Variants in ETV6 observed in about 807,000 individuals in gnomAD.
The protein encoded by ETV6 is transcription factor ETV6.
In ETV6, 16 loss-of-function variants were observed where a neutral mutation model predicts 51.1. The ratio of observed to expected loss-of-function variants is 0.31; its 90% CI spans 0.21 to 0.48. The LOEUF (loss-of-function observed/expected upper bound fraction) is 0.48. ETV6 is among the 20% of genes least tolerant of loss of function. ETV6 has a pLI of 0.99. For synonymous variants in ETV6, 240 were observed against 224.1 expected, an observed-to-expected ratio of 1.07 and a Z score of -0.64; for missense variants, 458 against 594.8, an observed-to-expected ratio of 0.77 and a Z score of 2.39.
At chr12:11,880,139 A>G (rs1302311685) in intron 5 of ETV6, among the ~76,000 whole-genome samples, 4 of 152,062 alleles carry the variant, frequency 2.6e-5, no homozygotes, top group Non-Finnish European at 5.9e-5. Context: ...CAATAATGTT[A>G]TAAAAGCCAC....
At chr12:11,886,886 T>A (rs1195694273) in intron 7 of ETV6, among the ~76,000 whole-genome samples, 1 of 152,094 alleles carries the variant, frequency 6.6e-6, no homozygotes, top group Admixed American at 6.5e-5. Flanking sequence ...AACACAACCT[T>A]GGGTGATGAG....
intron 2 of ETV6, among the ~76,000 whole-genome samples, chr12:11,774,998 T>TA (rs1945298492): frequency 6.6e-6 from 1 of 152,206 alleles, no homozygotes; most frequent in Non-Finnish European, 1.5e-5. Flanking sequence ...ACTCTGGGCA[T>TA]AAAAACACGA....
At chr12:11,781,300 G>A (rs756259822) in intron 2 of ETV6, among the ~76,000 whole-genome samples, 1 of 152,208 alleles carries the variant, frequency 6.6e-6, no homozygotes, top group African/African-American at 2.4e-5. Context: ...TCCCCTGCTT[G>A]TGTGTATTCA....
In ETV6 at chr12:11,649,935, C is replaced by A. The variant is rs1565472203; in HGVS notation, c.-193C>A. 3.2e-6 allele frequency: 1 copy of A among 311,158 alleles called. No homozygotes were observed. 19.3% of individuals were successfully genotyped at this position (311,158 alleles called of 1,614,324 possible). ...CCCGTCTCCCACGCCCCCGCCGCCCCGCGCGCCCAACTCCGCCGGCCGCCC... is the reference window on the plus strand; with the variant it reads ...CCCGTCTCCCACGCCCCCGCCGCCCAGCGCGCCCAACTCCGCCGGCCGCCC... On this transcript the variant is annotated 5_prime_UTR_variant, in exon 1 of 8. Coordinates refer to ENST00000396373, the MANE Select transcript of ETV6 (RefSeq NM_001987.5).
At chr12:11,746,387 C>T (rs1381190978) in intron 1 of ETV6, among the ~76,000 whole-genome samples, 3 of 152,174 alleles carry the variant, frequency 2.0e-5, no homozygotes, top group Admixed American at 1.3e-4. Context: ...ATGGAGATAA[C>T]GATGCCTTCC....
chr12:11,726,481 A>T (rs1159446275), intron 1 of ETV6, among the ~76,000 whole-genome samples: 1 of 152,214 alleles, frequency 6.6e-6, no homozygotes, highest in African/African-American at 2.4e-5. Flanking sequence ...ATACACAAAT[A>T]ATTTAAAAGT....
intron 2 of ETV6, among the ~76,000 whole-genome samples, chr12:11,807,476 C>T (rs932292489): frequency 6.6e-6 from 1 of 152,100 alleles, no homozygotes; most frequent in Non-Finnish European, 1.5e-5. Flanking sequence ...TTTCAGGGCT[C>T]ATTAGACAGT....
chr12:11,865,956 ATTTAT>A (rs1036634125), intron 4 of ETV6, among the ~76,000 whole-genome samples: 2 of 151,958 alleles, frequency 1.3e-5, no homozygotes, highest in African/African-American at 4.8e-5. Flanking sequence ...TTATTTTTTA[ATTTAT>A]TCTACTCTGT....
chr12:11,649,849 G>T lies in ETV6; in HGVS notation c.-279G>T. 6.6e-6 allele frequency: 1 copy of T among 151,008 alleles called. No homozygotes were observed. The highest frequency in any genetic ancestry group is 1.9e-4 in the South Asian group (1 of 5,328). 9.4% of individuals were successfully genotyped at this position (151,008 alleles called of 1,614,324 possible). A position where few individuals can be genotyped will look rare whatever the true frequency, so the allele number is the denominator to read the frequency against. On this transcript the variant is annotated 5_prime_UTR_variant, in exon 1 of 8. Transcript: ENST00000396373. ...GGGAGGAGAGACCGGGAGGCCGGCCGGGCTGCGTCCCGGGTCCCCGCGCCG... is the reference window on the plus strand; with the variant it reads ...GGGAGGAGAGACCGGGAGGCCGGCCTGGCTGCGTCCCGGGTCCCCGCGCCG...
intron 2 of ETV6, among the ~76,000 whole-genome samples, chr12:11,823,891 C>A (rs552277064): frequency 6.6e-6 from 1 of 152,342 alleles, no homozygotes; most frequent in East Asian, 1.9e-4. Context: ...TTGATTCTTC[C>A]TGTGTATCCC....
intron 5 of ETV6, among the ~76,000 whole-genome samples, chr12:11,870,562 G>A (rs924164349): frequency 6.6e-6 from 1 of 151,232 alleles, no homozygotes; most frequent in East Asian, 2.0e-4. Context: ...AAACCAGTGG[G>A]AAAAATATCT....
chr12:11,667,742 G>T lies in ETV6; in HGVS notation c.33+17582G>T, dbSNP rs374679103. Among the ~76,000 whole-genome samples the T allele has an allele frequency of 5.8e-5, 7 of 121,084 alleles. No homozygotes were observed. In the East Asian group the frequency reaches 8.2e-4, roughly 14 times the overall value. The allele number at this position is 121,084 out of a possible 152,430, so 79.4% of individuals were successfully genotyped here. On this transcript the variant is annotated intron_variant, in intron 1 of 7. Transcript: ENST00000396373. ...TTTTGAGATGGAGTCTCACTCGGCC[G>T]CCCAGGCTGGAGTGTAGTGGCATGG...
intron 5 of ETV6, among the ~76,000 whole-genome samples, chr12:11,884,032 T>C (rs1947148237): frequency 6.6e-6 from 1 of 152,242 alleles, no homozygotes; most frequent in Admixed American, 6.5e-5. Context: ...CACAGCTCTC[T>C]CTGTAACCAT....
chr12:11,833,747 C>T (rs1462332130), intron 2 of ETV6, among the ~76,000 whole-genome samples: 1 of 152,166 alleles, frequency 6.6e-6, no homozygotes, highest in Non-Finnish European at 1.5e-5. Context: ...ACTCCTGGCA[C>T]ATAGCAATCA....
At chr12:11,843,382 G>C (rs762149020) in intron 3 of ETV6, among the ~76,000 whole-genome samples, 6 of 152,146 alleles carry the variant, frequency 3.9e-5, no homozygotes, top group African/African-American at 7.2e-5. Context: ...GTTTGGTGTA[G>C]TGAAAGTCCT....
At chr12:11,781,452 T>C (rs1945413135) in intron 2 of ETV6, among the ~76,000 whole-genome samples, 1 of 152,260 alleles carries the variant, frequency 6.6e-6, no homozygotes, top group African/African-American at 2.4e-5. Flanking sequence ...GTATTCTTTC[T>C]ACATTAAGTC....
intron 1 of ETV6, among the ~76,000 whole-genome samples, chr12:11,715,370 C>G (rs1261833657): frequency 3.3e-5 from 5 of 152,114 alleles, no homozygotes; most frequent in African/African-American, 1.2e-4. Context: ...AGGAATGCAA[C>G]TTGAGGTCAC....
intron 1 of ETV6, among the ~76,000 whole-genome samples, chr12:11,707,997 C>G (rs1440723504): frequency 6.6e-6 from 1 of 152,176 alleles, no homozygotes; most frequent in Non-Finnish European, 1.5e-5. Flanking sequence ...CTTCCCTTAG[C>G]AGTTGTATTT....
Position 11,659,946 on chromosome 12 carries a change from G to A in ETV6, c.33+9786G>A, listed in dbSNP as rs114241591. Among the ~76,000 whole-genome samples, 1,434 of 152,254 alleles carry A rather than the reference G, an allele frequency of 9.4e-3. 21 individuals are homozygous for A. The highest frequency in any genetic ancestry group is 0.032 in the African/African-American group (1,343 of 41,530). The stretch of plus-strand genomic sequence containing the variant: ...GTTCAAGGGATGAAGAGGAGTTGGC[G>A]AAGGGGCACAAAAATACAGCTAGAT... On this transcript the variant is annotated intron_variant, in intron 1 of 7. Coordinates refer to ENST00000396373, the MANE Select transcript of ETV6 (RefSeq NM_001987.5).
Sources: gnomAD v4.1 joint callset for allele counts (sites outside exome capture counted in the v4.1 genomes callset) on GRCh38, gnomAD v4.1.1 for gene constraint, MANE v1.5 for transcripts, NCBI Gene and HGNC (gene_info 2026-07-23, HGNC 2026-07-21) for gene names.